The following HYDIN variants were observed in gnomAD, a reference collection of about 807,000 sequenced individuals.
HYDIN encodes axonemal central pair apparatus protein HYDIN.
In HYDIN, 132 loss-of-function variants were observed where a neutral mutation model predicts 403.9. That is an observed-to-expected ratio of 0.33 (90% CI 0.28 to 0.38). The LOEUF (loss-of-function observed/expected upper bound fraction) is 0.38. Ranked by LOEUF, HYDIN falls within the 10% of genes least tolerant of loss-of-function variation. The pLI, the probability that HYDIN is intolerant of heterozygous loss-of-function variation, is 1.00. For synonymous variants in HYDIN, 1,202 were observed against 1,891.7 expected, an observed-to-expected ratio of 0.64 and a Z score of 9.46; for missense variants, 2,827 against 5,009.5, an observed-to-expected ratio of 0.56 and a Z score of 13.15.
At chr16:70,870,458 G>C (rs965774459) in intron 65 of HYDIN, among the ~76,000 whole-genome samples, 44 of 151,832 alleles carry the variant, frequency 2.9e-4, no homozygotes, top group African/African-American at 9.7e-4. Context: ...TAAGGATGTA[G>C]AGCTCTGCAT....
chr16:70,804,927 G>A lies in HYDIN; in HGVS notation c.*2653C>T, dbSNP rs1459832448. Among the ~76,000 whole-genome samples, 1 of 152,240 alleles carries A rather than the reference G, an allele frequency of 6.6e-6. No individual in the cohort carries two copies. The highest frequency in any genetic ancestry group is 1.5e-5 in the Non-Finnish European group (1 of 68,048). On this transcript the variant is annotated 3_prime_UTR_variant, in exon 86 of 86. Coordinates refer to ENST00000393567, the MANE Select transcript of HYDIN (RefSeq NM_001270974.2). ...AGTTGCCCCTAGCCACCCCAAGGCT[G>A]GCTATAAGCCATGCTGGGGCTGGTG... is the stretch of plus-strand genomic sequence containing the variant.
At chr16:70,960,724 G>A (rs1164519569) in intron 38 of HYDIN, among the ~76,000 whole-genome samples, 3 of 151,898 alleles carry the variant, frequency 2.0e-5, no homozygotes, top group Non-Finnish European at 2.9e-5. Context: ...ATGGCATCTC[G>A]CTCTGTTGCC....
intron 75 of HYDIN, among the ~76,000 whole-genome samples, chr16:70,844,767 G>C (rs1407869507): frequency 7.0e-6 from 1 of 142,376 alleles, no homozygotes; most frequent in Non-Finnish European, 1.5e-5. Context: ...CACATCCCTT[G>C]TAAGTTGGAT....
At chr16:70,860,352 T>TC in intron 70 of HYDIN, 146 bp from the exon 71 acceptor site, 1 of 737,988 alleles carries the variant, frequency 1.4e-6, no homozygotes, top group Non-Finnish European at 2.1e-6. Flanking sequence ...AAATAAAAAC[T>TC]CCATCTCCTC....
chr16:70,969,755 A>C (rs1225858968), intron 36 of HYDIN, among the ~76,000 whole-genome samples: 34 of 151,958 alleles, frequency 2.2e-4, no homozygotes, highest in Non-Finnish European at 4.4e-5. Context: ...TGGGGTCTTC[A>C]AATGTATGTT....
At chr16:71,192,689 C>T (rs534709718) in intron 1 of HYDIN, among the ~76,000 whole-genome samples, 3 of 152,328 alleles carry the variant, frequency 2.0e-5, no homozygotes, top group East Asian at 1.9e-4. Context: ...TATGATCTCA[C>T]AGGTCCTCGT....
intron 8 of HYDIN, among the ~76,000 whole-genome samples, chr16:71,130,055 T>C (rs1364030103): frequency 6.6e-6 from 1 of 152,144 alleles, no homozygotes; most frequent in African/African-American, 2.4e-5. Flanking sequence ...TGGATTCCTT[T>C]CCTATTCAAT....
intron 23 of HYDIN, among the ~76,000 whole-genome samples, chr16:70,994,155 T>C (rs1028915986): frequency 3.3e-5 from 5 of 152,138 alleles, no homozygotes; most frequent in Non-Finnish European, 7.4e-5. Flanking sequence ...CTTATTACTG[T>C]ATGGAAGGAG....
At chr16:70,922,896 A>G (rs1436748099) in intron 45 of HYDIN, among the ~76,000 whole-genome samples, 4 of 144,640 alleles carry the variant, frequency 2.8e-5, no homozygotes, top group African/African-American at 1.0e-4. Context: ...CCTCCCAAGT[A>G]GCTTGGGACT....
intron 39 of HYDIN, among the ~76,000 whole-genome samples, chr16:70,957,387 C>T (rs2143938954): frequency 6.7e-6 from 1 of 148,408 alleles, no homozygotes; most frequent in South Asian, 2.1e-4. Context: ...AGTGCAATGG[C>T]ACGATCTTGG....
At chr16:70,972,676 A>G (rs1395533609) in intron 35 of HYDIN, among the ~76,000 whole-genome samples, 1 of 152,238 alleles carries the variant, frequency 6.6e-6, no homozygotes, top group African/African-American at 2.4e-5. Context: ...GGAGGTAGTC[A>G]TTACAGGTTG....
chr16:70,887,154 T>G (rs922851807), intron 58 of HYDIN, among the ~76,000 whole-genome samples: 3 of 152,188 alleles, frequency 2.0e-5, no homozygotes, highest in Non-Finnish European at 4.4e-5. Context: ...TCTCTTTTAT[T>G]TAGACTGGGC....
At chr16:70,919,381 T>C (rs1378472757) in intron 46 of HYDIN, among the ~76,000 whole-genome samples, 3 of 151,682 alleles carry the variant, frequency 2.0e-5, no homozygotes, top group Admixed American at 2.0e-4. Flanking sequence ...GAGGTGAAAC[T>C]GGGAAGGGCG....
chr16:71,093,426 C>T (rs1000726796), intron 11 of HYDIN, among the ~76,000 whole-genome samples: 5 of 150,646 alleles, frequency 3.3e-5, no homozygotes, highest in Admixed American at 6.6e-5. Flanking sequence ...CTCATTAGGA[C>T]GTTCTAGAAA....
chr16:70,993,283 C>T (rs1368805762), intron 23 of HYDIN, among the ~76,000 whole-genome samples: 3 of 152,178 alleles, frequency 2.0e-5, no homozygotes, highest in Non-Finnish European at 4.4e-5. Context: ...TGTAAGCACA[C>T]AGTTTGATGA....
intron 22 of HYDIN, among the ~76,000 whole-genome samples, chr16:71,019,581 T>C (rs920102073): frequency 6.6e-6 from 1 of 152,286 alleles, no homozygotes; most frequent in Non-Finnish European, 1.5e-5. Flanking sequence ...GGTATCGCCA[T>C]GCTTGGTGAT....
At chr16:70,999,369 G>GT (rs796566712) in intron 23 of HYDIN, among the ~76,000 whole-genome samples, 8 of 151,676 alleles carry the variant, frequency 5.3e-5, no homozygotes, top group African/African-American at 1.9e-4. Context: ...ACTGTATCAA[G>GT]TAAGAGCCCC....
chr16:71,130,556 C>T lies in HYDIN; in HGVS notation c.1044-733G>A, dbSNP rs1275705614. ...ACTGCGGACTGCAGTGGCGCAATCT[C>T]GGCTCACTGCAAGCTCCGCTTCCCG... On this transcript the variant is annotated intron_variant, in intron 8 of 85. Coordinates refer to ENST00000393567, the MANE Select transcript of HYDIN (RefSeq NM_001270974.2). Among the ~76,000 whole-genome samples, 9 of 139,380 alleles carry T rather than the reference C, an allele frequency of 6.5e-5. No homozygotes were observed. The East Asian group carries it at 1.6e-3, about 25-fold the overall frequency. 91.4% of individuals were successfully genotyped at this position (139,380 alleles called of 152,430 possible).
At chr16:70,859,507 T>C (rs1451379736) in intron 71 of HYDIN, among the ~76,000 whole-genome samples, 3 of 152,076 alleles carry the variant, frequency 2.0e-5, no homozygotes, top group Non-Finnish European at 2.9e-5. Context: ...CAGGAATTCT[T>C]AATTTTTGTT....
Sources: gnomAD v4.1 joint callset for allele counts (sites outside exome capture counted in the v4.1 genomes callset) on GRCh38, gnomAD v4.1.1 for gene constraint, MANE v1.5 for transcripts, NCBI Gene and HGNC (gene_info 2026-07-23, HGNC 2026-07-21) for gene names.